Variants in EPB41L3 observed in about 807,000 individuals in gnomAD.
EPB41L3 encodes erythrocyte membrane protein band 4.1 like 3, also known as band 4.1-like protein 3.
In EPB41L3, 57 loss-of-function variants were observed where a neutral mutation model predicts 127.1. That is an observed-to-expected ratio of 0.45 (90% confidence interval 0.36 to 0.56). The LOEUF is 0.56. Among genes scored for constraint, EPB41L3 ranks in the 20% least tolerant of loss-of-function variants. The probability of loss-of-function intolerance (pLI) is 0.00; values close to 1 mark genes in which losing one functional copy is unlikely to be tolerated. For synonymous variants in EPB41L3, 572 were observed against 549.5 expected (o/e 1.04, Z -0.57); for missense variants, 1,273 against 1,372.2 (o/e 0.93, Z 1.14).
intron 8 of EPB41L3, among the ~76,000 whole-genome samples, chr18:5,429,074 A>G (rs1018788811): frequency 3.3e-5 from 5 of 152,306 alleles, no homozygotes; most frequent in East Asian, 1.9e-4. Context: ...AGTTTTTTTA[A>G]AAGTATGAAT....
intron 1 of EPB41L3, among the ~76,000 whole-genome samples, chr18:5,617,611 C>T (rs2094813638): frequency 6.6e-6 from 1 of 152,194 alleles, no homozygotes; most frequent in Admixed American, 6.5e-5. Flanking sequence ...AGCCACCGCG[C>T]CCGGCCCAAG....
intron 3 of EPB41L3, among the ~76,000 whole-genome samples, chr18:5,559,539 G>C (rs1183528619): frequency 6.6e-6 from 1 of 152,148 alleles, no homozygotes; most frequent in Non-Finnish European, 1.5e-5. Flanking sequence ...AGCATGTCAT[G>C]GATTAATTAG....
At chr18:5,559,052 CA>C (rs1023053552) in intron 3 of EPB41L3, among the ~76,000 whole-genome samples, 10 of 151,816 alleles carry the variant, frequency 6.6e-5, no homozygotes, top group South Asian at 2.1e-4. Context: ...TATAAGATCT[CA>C]AAAAAAGAAT....
intron 1 of EPB41L3, among the ~76,000 whole-genome samples, chr18:5,538,241 G>T (rs2093626919): frequency 6.6e-6 from 1 of 152,178 alleles, no homozygotes; most frequent in Non-Finnish European, 1.5e-5. Flanking sequence ...AAGAGTTACT[G>T]CTGTCTATGC....
At chr18:5,491,259 C>G (rs180955725) in intron 1 of EPB41L3, among the ~76,000 whole-genome samples, 16 of 152,190 alleles carry the variant, frequency 1.1e-4, no homozygotes, top group Admixed American at 3.3e-4. Context: ...ACAGAGCCAC[C>G]CCTTCCAGCA....
intron 1 of EPB41L3, among the ~76,000 whole-genome samples, chr18:5,507,375 A>C (rs1038999692): frequency 2.0e-5 from 3 of 152,312 alleles, no homozygotes; most frequent in South Asian, 4.1e-4. Context: ...GATTAACAAT[A>C]AAAGCCAAAA....
chr18:5,612,014 A>C (rs2094731672), intron 3 of EPB41L3, among the ~76,000 whole-genome samples: 1 of 152,116 alleles, frequency 6.6e-6, no homozygotes, highest in Non-Finnish European at 1.5e-5. Flanking sequence ...ATACACATGT[A>C]ATTCTACCGA....
chr18:5,452,797 T>C (rs1373170637), intron 3 of EPB41L3, among the ~76,000 whole-genome samples: 1 of 152,158 alleles, frequency 6.6e-6, no homozygotes, highest in Non-Finnish European at 1.5e-5. Flanking sequence ...TGTGTGTGTG[T>C]GTGTGTGTTT....
intron 1 of EPB41L3, among the ~76,000 whole-genome samples, chr18:5,531,954 G>A (rs2093426347): frequency 6.6e-6 from 1 of 152,002 alleles, no homozygotes; most frequent in Admixed American, 6.6e-5. Flanking sequence ...GAAAGGCAAG[G>A]TACAAGAAAA....
At position 5,406,870 on chromosome 18, in the gene EPB41L3, C is replaced by G; in HGVS notation, c.2256G>C (p.Thr752=). The change falls in exon 16 of 23, where the codon ACG becomes ACC. Residue 752 remains threonine, a synonymous_variant. Coordinates refer to ENST00000341928, the MANE Select transcript of EPB41L3 (RefSeq NM_012307.5). Reference sequence around the variant, plus strand: ...TGGAAAGCCTCTTCTCCCATTCATTCGTTACGGCAGTGTCTGTTGAGGTTT... The same window carrying G: ...TGGAAAGCCTCTTCTCCCATTCATTGGTTACGGCAGTGTCTGTTGAGGTTT... The part of the protein sequence containing the change: ...FLETSTDTAV[T]NEWEKRLSTS... 6.2e-7 allele frequency: 1 copy of G among 1,614,188 alleles called. No homozygotes were observed. Among genetic ancestry groups the G allele is most frequent in the Non-Finnish European group, 8.5e-7 (1 of 1,180,022 alleles).
intron 5 of EPB41L3, among the ~76,000 whole-genome samples, chr18:5,439,236 G>A (rs940407071): frequency 1.6e-4 from 24 of 151,890 alleles, no homozygotes; most frequent in African/African-American, 5.1e-4. Flanking sequence ...AGCGGCCACC[G>A]ACTTGCCCTT....
chr18:5,609,354 G>A (rs986842217), intron 3 of EPB41L3, among the ~76,000 whole-genome samples: 1 of 152,100 alleles, frequency 6.6e-6, no homozygotes, highest in Non-Finnish European at 1.5e-5. Context: ...ACATCCTTGA[G>A]AACTAGAAAA....
chr18:5,538,995 A>ATTTTTTTTTTTT (rs757227800), intron 1 of EPB41L3, among the ~76,000 whole-genome samples: 1 of 115,212 alleles, frequency 8.7e-6, no homozygotes, highest in Non-Finnish European at 1.9e-5. Flanking sequence ...TTTCTCCAAG[A>ATTTTTTTTTTTT]TTTTTTTTTT....
Position 5,499,829 on chromosome 18 carries a change from GTATATA to G in EPB41L3, c.-11-10641_-11-10636del, listed in dbSNP as rs35194563. ...CCTACTACATACTTACTATGTGTGT[GTATATA>G]TATATATATATATGGCATTACAACA... is the stretch of plus-strand genomic sequence containing the variant. On this transcript the variant is annotated intron_variant, in intron 1 of 22. Transcript: ENST00000341928. 9.2e-4 allele frequency among the ~76,000 whole-genome samples: 115 copies of G among 124,662 alleles called. 4 individuals carry two copies. The highest frequency in any genetic ancestry group is 3.4e-3 in the African/African-American group (111 of 32,210). 81.8% of individuals were successfully genotyped at this position (124,662 alleles called of 152,430 possible). A position where few individuals can be genotyped will look rare whatever the true frequency, so the allele number is the denominator to read the frequency against.
intron 2 of EPB41L3, among the ~76,000 whole-genome samples, chr18:5,482,379 C>T (rs574782968): frequency 6.6e-6 from 1 of 152,160 alleles, no homozygotes; most frequent in South Asian, 2.1e-4. Context: ...CTCAAAAGAC[C>T]AAACCTAAGA....
At chr18:5,493,923 C>G (rs972934519) in intron 1 of EPB41L3, among the ~76,000 whole-genome samples, 3 of 152,204 alleles carry the variant, frequency 2.0e-5, no homozygotes, top group Non-Finnish European at 4.4e-5. Context: ...TACTCTTCCT[C>G]ATTTCCACTT....
intron 3 of EPB41L3, among the ~76,000 whole-genome samples, chr18:5,599,750 G>A (rs1599222301): frequency 6.6e-6 from 1 of 152,118 alleles, no homozygotes; most frequent in East Asian, 1.9e-4. Context: ...AAGCCTAGCA[G>A]AAGCCACTAT....
At chr18:5,483,767 A>G (rs1250085709) in intron 2 of EPB41L3, among the ~76,000 whole-genome samples, 1 of 152,104 alleles carries the variant, frequency 6.6e-6, no homozygotes, top group Non-Finnish European at 1.5e-5. Context: ...CAGCAAGAAG[A>G]TGAAACAATT....
At chr18:5,442,168 T>G (rs918279358) in intron 5 of EPB41L3, among the ~76,000 whole-genome samples, 3 of 152,206 alleles carry the variant, frequency 2.0e-5, no homozygotes, top group Non-Finnish European at 4.4e-5. Context: ...GCATGTCTAT[T>G]TTAGTAACTC....
Sources: allele counts gnomAD v4.1 joint callset (sites outside exome capture counted in the v4.1 genomes callset), GRCh38; gene constraint gnomAD v4.1.1; transcripts MANE v1.5; gene names NCBI Gene and HGNC (gene_info 2026-07-23, HGNC 2026-07-21).